WAPL: variants seen among roughly 807,000 people sequenced by gnomAD.
WAPL encodes wings apart-like protein homolog.
In WAPL, 5 loss-of-function variants were observed where a neutral mutation model predicts 121.0. That is an observed-to-expected ratio of 0.04 (90% CI 0.02 to 0.09). The LOEUF is 0.09. Among genes scored for constraint, WAPL ranks in the 10% least tolerant of loss-of-function variants. The pLI, the probability that WAPL is intolerant of heterozygous loss-of-function variation, is 1.00. For synonymous variants in WAPL, 480 were observed against 481.5 expected (o/e 1.00, Z 0.04); for missense variants, 999 against 1,410.8 (o/e 0.71, Z 4.68).
chr10:86,499,776 C>A lies in WAPL; in HGVS notation c.1467G>T (p.Gln489His), dbSNP rs774223574. 9 of 1,607,388 alleles carry A rather than the reference C, an allele frequency of 5.6e-6. No homozygotes were observed. The East Asian group carries it at 1.8e-4, about 32-fold the overall frequency. The change falls in exon 3 of 19, where the codon CAG becomes CAT. Residue 489 changes from glutamine to histidine, a missense_variant. Gln to His is a conservative substitution (Grantham distance 24). Coordinates refer to ENST00000298767, the MANE Select transcript of WAPL (RefSeq NM_015045.5). ...RTKTAPSPSLQPPPESNDNSQ... is the reference protein window; with the variant it reads ...RTKTAPSPSLHPPPESNDNSQ... ...AATTATCATTGCTTTCTGGGGGAGG[C>A]TGCAAGGAGGGTGATGGAGCTGTTT...
At chr10:86,490,748 A>G (rs563993667) in intron 4 of WAPL, among the ~76,000 whole-genome samples, 4 of 152,286 alleles carry the variant, frequency 2.6e-5, no homozygotes, top group South Asian at 2.1e-4. Flanking sequence ...GATAAAGCAA[A>G]TAAGTATACA....
At chr10:86,454,509 C>T (rs909071621) in intron 12 of WAPL, among the ~76,000 whole-genome samples, 6 of 152,352 alleles carry the variant, frequency 3.9e-5, no homozygotes, top group African/African-American at 1.4e-4. Context: ...TGCCTAGTGC[C>T]TGGGACTGCA....
intron 2 of WAPL, among the ~76,000 whole-genome samples, chr10:86,501,961 C>T (rs1842255693): frequency 6.6e-6 from 1 of 152,182 alleles, no homozygotes; most frequent in Admixed American, 6.5e-5. Flanking sequence ...CAAAGTGCTA[C>T]AATCACAGGC....
At chr10:86,520,724 G>A (rs1369546408) in intron 1 of WAPL, among the ~76,000 whole-genome samples, 1 of 134,198 alleles carries the variant, frequency 7.5e-6, no homozygotes, top group African/African-American at 2.8e-5. Context: ...TTTTGCCCTA[G>A]CCCAAAATCA....
rs1564557385 is a variant in WAPL at position 86,437,344 on chromosome 10, G to C, written c.*199C>G. ...GAACCTTTTCCCCTCATTTTTGATA[G>C]TTGCAGATTGATGTAGTAACTGTCA... On this transcript the variant is annotated 3_prime_UTR_variant, in exon 19 of 19. Coordinates refer to ENST00000298767, the MANE Select transcript of WAPL (RefSeq NM_015045.5). The C allele has an allele frequency of 1.1e-5, 6 of 535,542 alleles. No homozygotes were observed. Among genetic ancestry groups the C allele is most frequent in the Non-Finnish European group, 1.6e-5 (5 of 306,964 alleles). The allele number at this position is 535,542 out of a possible 1,614,324, so 33.2% of individuals were successfully genotyped here.
intron 2 of WAPL, among the ~76,000 whole-genome samples, chr10:86,510,919 G>A (rs1372020717): frequency 3.3e-5 from 5 of 152,052 alleles, no homozygotes; most frequent in Non-Finnish European, 5.9e-5. Context: ...GCCCTGAACT[G>A]CTGGGCTCAA....
chr10:86,519,062 A>C (rs539806803), intron 1 of WAPL, among the ~76,000 whole-genome samples: 19 of 152,222 alleles, frequency 1.2e-4, no homozygotes, highest in Non-Finnish European at 2.4e-4. Context: ...ACATAGAAAC[A>C]TACAACTTTT....
At chr10:86,458,893 G>T in intron 12 of WAPL, 96 bp downstream of exon 12, 1 of 943,138 alleles carries the variant, frequency 1.1e-6, no homozygotes, top group African/African-American at 1.7e-5. Context: ...AGCATTTCAT[G>T]GAGGAAGCTA....
chr10:86,493,782 A>AC (rs1842095709), intron 4 of WAPL, among the ~76,000 whole-genome samples: 1 of 151,766 alleles, frequency 6.6e-6, no homozygotes, highest in Non-Finnish European at 1.5e-5. Flanking sequence ...CAGGTGGATC[A>AC]CCTGAGGCCA....
At chr10:86,456,860 G>A (rs771926428) in intron 12 of WAPL, among the ~76,000 whole-genome samples, 9 of 152,110 alleles carry the variant, frequency 5.9e-5, no homozygotes, top group African/African-American at 1.2e-4. Context: ...TGCTATCTCC[G>A]AATTGATCAT....
At chr10:86,475,378 A>C (rs956522634) in intron 4 of WAPL, among the ~76,000 whole-genome samples, 1 of 152,256 alleles carries the variant, frequency 6.6e-6, no homozygotes, top group South Asian at 2.1e-4. Context: ...AAAAATAAGA[A>C]GACAAGTGGA....
rs375274381 is a variant in WAPL, at chr10:86,452,149, GAC to G, written c.2950-20_2950-19del. 96 of 1,609,968 alleles carry G rather than the reference GAC, an allele frequency of 6.0e-5. No homozygotes were observed. The African/African-American group carries it at 9.2e-4, about 15-fold the overall frequency. On this transcript the variant is annotated intron_variant, in intron 14 of 18. Transcript: ENST00000298767. ...CCTAAGCCCTTCAAAAAGTTTAAAA[GAC>G]ACATATTATCAGAGATGAGTACTTA...
Position 86,435,902 on chromosome 10 carries a change from T to C in WAPL, c.*1641A>G, listed in dbSNP as rs1414298449. On this transcript the variant is annotated 3_prime_UTR_variant, in exon 19 of 19. Coordinates refer to ENST00000298767, the MANE Select transcript of WAPL (RefSeq NM_015045.5). ...AACTAATTTAATTTTACGGGTATCA[T>C]TTACCAATATGTTTTTAAAAGTATT... The C allele has an allele frequency of 1.3e-5, 2 of 152,228 alleles. No individual in the cohort carries two copies. Among genetic ancestry groups the C allele is most frequent in the Non-Finnish European group, 2.9e-5 (2 of 68,040 alleles). The allele number at this position is 152,228 out of a possible 1,614,324, so 9.4% of individuals were successfully genotyped here. A position where few individuals can be genotyped will look rare whatever the true frequency, so the allele number is the denominator to read the frequency against.
At chr10:86,510,029 G>A (rs117785009) in intron 2 of WAPL, among the ~76,000 whole-genome samples, 9,550 of 141,970 alleles carry the variant, frequency 0.067, 594 homozygotes, top group East Asian at 0.39. Flanking sequence ...CTTCCAAACC[G>A]AAGTGCTGGG....
At chr10:86,502,042 T>C (rs1331990286) in intron 2 of WAPL, among the ~76,000 whole-genome samples, 1 of 152,232 alleles carries the variant, frequency 6.6e-6, no homozygotes, top group Non-Finnish European at 1.5e-5. Flanking sequence ...TAATATCTTT[T>C]AAAACTAAAA....
chr10:86,497,071 A>G, intron 4 of WAPL, 130 bp downstream of exon 4: 1 of 744,310 alleles, frequency 1.3e-6, no homozygotes, highest in Non-Finnish European at 2.1e-6. Flanking sequence ...ATATCTGAAA[A>G]AACGACTTAC....
intron 2 of WAPL, among the ~76,000 whole-genome samples, chr10:86,510,295 G>A (rs547130685): frequency 6.6e-6 from 1 of 152,076 alleles, no homozygotes; most frequent in South Asian, 2.1e-4. Flanking sequence ...GGCTGGTTTC[G>A]AACTCCTGAC....
chr10:86,503,271 C>T (rs1295526857), intron 2 of WAPL, among the ~76,000 whole-genome samples: 1 of 152,020 alleles, frequency 6.6e-6, no homozygotes, highest in African/African-American at 2.4e-5. Flanking sequence ...TCACGGTGTG[C>T]TGAGGACTAA....
chr10:86,444,523 G>A (rs569254530), intron 16 of WAPL, among the ~76,000 whole-genome samples: 8 of 152,218 alleles, frequency 5.3e-5, no homozygotes, highest in Admixed American at 2.0e-4. Context: ...ACTGTATCAC[G>A]GATGAACTTT....
Sources: gnomAD v4.1 joint callset for allele counts (sites outside exome capture counted in the v4.1 genomes callset) on GRCh38, gnomAD v4.1.1 for gene constraint, MANE v1.5 for transcripts, NCBI Gene and HGNC (gene_info 2026-07-23, HGNC 2026-07-21) for gene names.